The following GNG7 variants were observed in gnomAD, a reference collection of about 807,000 sequenced individuals.
GNG7 encodes the protein guanine nucleotide-binding protein G(I)/G(S)/G(O) subunit gamma-7.
GNG7 carries 1 observed loss-of-function variant against 4.0 expected under a neutral mutation model. That is an observed-to-expected ratio of 0.25 (90% CI 0.09 to 1.18). The LOEUF is 1.18. Ranked by LOEUF, GNG7 falls within the 50% of genes most tolerant of loss-of-function variation. The pLI, the probability that GNG7 is intolerant of heterozygous loss-of-function variation, is 0.50. For missense variants in GNG7, 86 were observed against 91.9 expected, an observed-to-expected ratio of 0.94 and a Z score of 0.26; for synonymous variants, 34 against 36.9, an observed-to-expected ratio of 0.92 and a Z score of 0.29.
chr19:2,637,402 C>A (rs1982345326), intron 2 of GNG7, among the ~76,000 whole-genome samples: 1 of 151,854 alleles, frequency 6.6e-6, no homozygotes, highest in African/African-American at 2.4e-5. Context: ...CCCCCGCAGG[C>A]GCCTGCACCC....
At chr19:2,593,456 G>C (rs1028626928) in intron 2 of GNG7, among the ~76,000 whole-genome samples, 2 of 152,098 alleles carry the variant, frequency 1.3e-5, no homozygotes, top group African/African-American at 4.8e-5. Flanking sequence ...AAAGTATTAA[G>C]AGTAGGACTG....
At chr19:2,548,757 C>A (rs981324160) in intron 3 of GNG7, among the ~76,000 whole-genome samples, 1 of 151,522 alleles carries the variant, frequency 6.6e-6, no homozygotes, top group African/African-American at 2.4e-5. Context: ...CCACTACACT[C>A]CAGCCTGGGT....
At chr19:2,602,407 C>G (rs957622135) in intron 2 of GNG7, among the ~76,000 whole-genome samples, 1 of 152,228 alleles carries the variant, frequency 6.6e-6, no homozygotes, top group Non-Finnish European at 1.5e-5. Flanking sequence ...CCTGGCTCCC[C>G]TGTACCCACC....
chr19:2,540,917 TA>T, intron 3 of GNG7, among the ~76,000 whole-genome samples: 1 of 152,154 alleles, frequency 6.6e-6, no homozygotes, highest in Middle Eastern at 3.2e-3. Context: ...CCCGGCTCGA[TA>T]AACCGACCAG....
intron 2 of GNG7, among the ~76,000 whole-genome samples, chr19:2,645,838 T>A (rs1237895933): frequency 6.6e-6 from 1 of 152,110 alleles, no homozygotes; most frequent in Non-Finnish European, 1.5e-5. Context: ...AGAGGAGAGC[T>A]AAAGGGCCAG....
Position 2,557,249 on chromosome 19 carries a change from A to G in GNG7, c.-77-2061T>C, listed in dbSNP as rs1047703645. Among the ~76,000 whole-genome samples the G allele has an allele frequency of 1.3e-5, 2 of 150,974 alleles. No individual in the cohort carries two copies. Among genetic ancestry groups the G allele is most frequent in the Admixed American group, 6.6e-5 (1 of 15,222 alleles). ...TGCACACACAGACGCACATGTGCAC[A>G]CACACGTGCACACACATTTGCACAC... On this transcript the variant is annotated intron_variant, in intron 2 of 4. Coordinates refer to ENST00000382159, the MANE Select transcript of GNG7 (RefSeq NM_052847.3). The surrounding 1 kb of genome is among the most constrained non-coding windows in gnomAD (Gnocchi z 5.1).
At chr19:2,641,725 G>A (rs7253160) in intron 2 of GNG7, 68,684 of 151,598 alleles carry the variant, frequency 0.45, 15,655 homozygotes, top group Non-Finnish European at 0.49. Context: ...GTGCAGTGGC[G>A]TGATCTTGGC....
intron 1 of GNG7, among the ~76,000 whole-genome samples, chr19:2,687,136 C>T (rs556142012): frequency 1.3e-5 from 2 of 151,990 alleles, no homozygotes; most frequent in African/African-American, 2.4e-5. Flanking sequence ...TGGCTCACTG[C>T]AGCCTCAACT....
chr19:2,579,597 G>A (rs901790745), intron 2 of GNG7, among the ~76,000 whole-genome samples: 1 of 152,218 alleles, frequency 6.6e-6, no homozygotes, highest in Non-Finnish European at 1.5e-5. Context: ...GGGGACGGCC[G>A]CCGCTGGGCA....
intron 2 of GNG7, chr19:2,643,292 G>C: frequency 2.4e-6 from 1 of 424,858 alleles, no homozygotes; most frequent in Non-Finnish European, 4.7e-6. Flanking sequence ...ATGTGCACCG[G>C]AAATGCAAAG....
intron 1 of GNG7, 29 bp downstream of exon 1, chr19:2,702,617 C>A (rs1314635864): frequency 6.6e-6 from 1 of 151,940 alleles, no homozygotes; most frequent in South Asian, 2.1e-4. Flanking sequence ...GCCCTCACTT[C>A]CCCTGGCCCG....
At chr19:2,594,197 C>A (rs572777639) in intron 2 of GNG7, among the ~76,000 whole-genome samples, 39 of 152,054 alleles carry the variant, frequency 2.6e-4, no homozygotes, top group Non-Finnish European at 1.8e-4. Flanking sequence ...ATGGAGAAAC[C>A]CCATCTCTAC....
At chr19:2,525,143 C>A (rs1348331426) in intron 3 of GNG7, among the ~76,000 whole-genome samples, 1 of 152,168 alleles carries the variant, frequency 6.6e-6, no homozygotes, top group African/African-American at 2.4e-5. Context: ...CCTGCAGAGG[C>A]GCACGGGTGC....
chr19:2,519,597 A>ATTTTTT lies in GNG7; in HGVS notation c.81+1005_81+1010dup, dbSNP rs1170074823. On this transcript the variant is annotated intron_variant, in intron 4 of 4. Coordinates refer to ENST00000382159, the MANE Select transcript of GNG7 (RefSeq NM_052847.3). ...TGAGCCACTGTGCCTCACATGCAAAATTTTTTTTTTTTTTTTGATGTGATT... is the reference window on the plus strand; with the variant it reads ...TGAGCCACTGTGCCTCACATGCAAAATTTTTTTTTTTTTTTTTTTTTTGATGTGATT... 5.7e-3 allele frequency among the ~76,000 whole-genome samples: 797 copies of ATTTTTT among 140,632 alleles called. 9 individuals are homozygous for ATTTTTT. Among genetic ancestry groups the ATTTTTT allele is most frequent in the Non-Finnish European group, 8.3e-3 (546 of 65,908 alleles). The allele number at this position is 140,632 out of a possible 152,430, so 92.3% of individuals were successfully genotyped here.
At chr19:2,595,546 C>A (rs1214306486) in intron 2 of GNG7, among the ~76,000 whole-genome samples, 2 of 151,798 alleles carry the variant, frequency 1.3e-5, no homozygotes, top group Non-Finnish European at 2.9e-5. Context: ...CCAGCCTGGG[C>A]AACATAGCAA....
At chr19:2,527,255 C>T (rs1470543930) in intron 3 of GNG7, among the ~76,000 whole-genome samples, 1 of 152,204 alleles carries the variant, frequency 6.6e-6, no homozygotes, top group Non-Finnish European at 1.5e-5. Flanking sequence ...TCACCTGTGA[C>T]TATGAGACAC....
At chr19:2,538,450 C>T (rs1978822604) in intron 3 of GNG7, 1 of 323,370 alleles carries the variant, frequency 3.1e-6, no homozygotes, top group South Asian at 2.5e-5. Context: ...TAGTGAGACC[C>T]CCGTCTCTGC....
Position 2,653,251 on chromosome 19 carries a change from G to A in GNG7, c.-134-6971C>T, listed in dbSNP as rs957858672. On this transcript the variant is annotated intron_variant, in intron 1 of 4. Coordinates refer to ENST00000382159, the MANE Select transcript of GNG7 (RefSeq NM_052847.3). This position sits in a 1 kb window ranked among gnomAD's most constrained non-coding sequence, Gnocchi z 4.8. ...AAAGGCTGATAGATTTTATAGCCCAGTATCTCCAAGCAGCGCCCAAGGACA... is the reference window on the plus strand; with the variant it reads ...AAAGGCTGATAGATTTTATAGCCCAATATCTCCAAGCAGCGCCCAAGGACA... Among the ~76,000 whole-genome samples the A allele has an allele frequency of 1.3e-5, 2 of 152,206 alleles. No homozygotes were observed. The highest frequency in any genetic ancestry group is 4.8e-5 in the African/African-American group (2 of 41,454).
intron 2 of GNG7, among the ~76,000 whole-genome samples, chr19:2,621,080 G>A (rs1194855138): frequency 1.3e-5 from 2 of 152,072 alleles, no homozygotes; most frequent in East Asian, 3.8e-4. Context: ...CTCCTGGGGT[G>A]ACCTCGCCCC....
Sources: gnomAD v4.1 joint callset for allele counts (sites outside exome capture counted in the v4.1 genomes callset) on GRCh38, gnomAD v4.1.1 for gene constraint, Gnocchi (gnomAD v3.1) non-coding constraint, MANE v1.5 for transcripts, NCBI Gene and HGNC (gene_info 2026-07-23, HGNC 2026-07-21) for gene names.